CMIP: variants seen among roughly 807,000 people sequenced by gnomAD.
CMIP encodes C-Maf-inducing protein.
CMIP carries 13 observed loss-of-function variants against 97.3 expected under a neutral mutation model. The ratio of observed to expected loss-of-function variants is 0.13; its 90% confidence interval spans 0.09 to 0.21. CMIP has a LOEUF of 0.21. Ranked by LOEUF, CMIP falls within the 10% of genes least tolerant of loss-of-function variation. The pLI is 1.00. For missense variants in CMIP, 847 were observed against 1,024.9 expected (o/e 0.83, Z 2.37); for synonymous variants, 538 against 436.3 (o/e 1.23, Z -2.91).
At chr16:81,463,634 G>A (rs950786610) in intron 1 of CMIP, among the ~76,000 whole-genome samples, 1 of 152,192 alleles carries the variant, frequency 6.6e-6, no homozygotes, top group East Asian at 1.9e-4. Context: ...AATGGAACCT[G>A]CCATTTCTCA....
At chr16:81,543,969 T>C (rs1419895763) in intron 1 of CMIP, among the ~76,000 whole-genome samples, 1 of 152,244 alleles carries the variant, frequency 6.6e-6, no homozygotes, top group East Asian at 1.9e-4. Flanking sequence ...AGAACACAGC[T>C]ATTTTAAGGA....
chr16:81,657,658 CAGTT>C (rs2092499599), intron 4 of CMIP, 113 bp from the exon 5 acceptor site: 1 of 796,538 alleles, frequency 1.3e-6, no homozygotes, highest in Non-Finnish European at 2.0e-6. Flanking sequence ...ATGACAGTGA[CAGTT>C]GGTCTGTGAC....
intron 1 of CMIP, among the ~76,000 whole-genome samples, chr16:81,520,974 G>A (rs1040846977): frequency 5.3e-5 from 8 of 152,148 alleles, no homozygotes; most frequent in Non-Finnish European, 7.4e-5. Flanking sequence ...TTAAATTAGC[G>A]GTGGCATGTG....
chr16:81,535,441 C>T (rs1247021971), intron 1 of CMIP, among the ~76,000 whole-genome samples: 1 of 148,682 alleles, frequency 6.7e-6, no homozygotes, highest in Admixed American at 6.7e-5. Context: ...CCTGTCACTT[C>T]TGCTCATGGT....
At chr16:81,489,685 C>T (rs2150765239) in intron 1 of CMIP, among the ~76,000 whole-genome samples, 1 of 152,318 alleles carries the variant, frequency 6.6e-6, no homozygotes, top group Middle Eastern at 3.4e-3. Flanking sequence ...AGCCCCCCTC[C>T]CTTCTCTGTG....
intron 3 of CMIP, among the ~76,000 whole-genome samples, chr16:81,625,345 A>T (rs2092047068): frequency 6.6e-6 from 1 of 152,246 alleles, no homozygotes; most frequent in Non-Finnish European, 1.5e-5. Context: ...CCTTGAGGCT[A>T]ATTCCCAGGG....
intron 1 of CMIP, among the ~76,000 whole-genome samples, chr16:81,601,835 C>A (rs2091663490): frequency 6.6e-6 from 1 of 152,186 alleles, no homozygotes; most frequent in African/African-American, 2.4e-5. Context: ...CGAGCGGTCC[C>A]ACCAAACCTA....
chr16:81,447,016 C>T (rs1418229632), intron 1 of CMIP, among the ~76,000 whole-genome samples: 6 of 152,208 alleles, frequency 3.9e-5, no homozygotes, highest in African/African-American at 1.4e-4. Context: ...GGCCCAGTCC[C>T]CGGTCAGGCT....
chr16:81,476,149 G>A, intron 1 of CMIP: 7 of 1,067,094 alleles, frequency 6.6e-6, no homozygotes, highest in South Asian at 1.2e-5. Context: ...CCACGTGCTT[G>A]CGTTCAACCA....
intron 4 of CMIP, among the ~76,000 whole-genome samples, chr16:81,657,167 C>A (rs1352530818): frequency 1.3e-5 from 2 of 152,110 alleles, no homozygotes; most frequent in African/African-American, 4.8e-5. Context: ...GGAAACAGGA[C>A]CCCTAAAATT....
intron 1 of CMIP, chr16:81,464,813 T>G (rs1255293892): frequency 6.6e-6 from 1 of 152,228 alleles, no homozygotes; most frequent in Non-Finnish European, 1.5e-5. Context: ...ATACGGTATT[T>G]GTCCTTCTGT....
intron 10 of CMIP, among the ~76,000 whole-genome samples, chr16:81,679,610 G>A (rs1257987158): frequency 6.6e-5 from 10 of 151,898 alleles, no homozygotes; most frequent in Admixed American, 6.6e-4. Flanking sequence ...CATTGGTGTT[G>A]TGTGTGCCTG....
chr16:81,598,132 G>T (rs1343732655), intron 1 of CMIP, among the ~76,000 whole-genome samples: 2 of 152,090 alleles, frequency 1.3e-5, no homozygotes. Context: ...GAATGTGCTC[G>T]GGAAGAAGGT....
intron 1 of CMIP, among the ~76,000 whole-genome samples, chr16:81,573,824 G>A (rs187607084): frequency 6.6e-6 from 1 of 152,310 alleles, no homozygotes; most frequent in African/African-American, 2.4e-5. Flanking sequence ...TGTGCTTAAC[G>A]CATGCGTGGC....
chr16:81,680,756 G>A (rs1450656166), intron 10 of CMIP, among the ~76,000 whole-genome samples: 2 of 152,324 alleles, frequency 1.3e-5, no homozygotes, highest in African/African-American at 4.8e-5. Flanking sequence ...GGATTTTGGA[G>A]GGGGCTCCCT....
intron 1 of CMIP, among the ~76,000 whole-genome samples, chr16:81,450,910 T>G (rs940489175): frequency 1.3e-5 from 2 of 152,196 alleles, no homozygotes; most frequent in African/African-American, 4.8e-5. Context: ...GCTCATTTCT[T>G]GTGTATCTGG....
chr16:81,691,096 C>T (rs1906009082), intron 10 of CMIP, among the ~76,000 whole-genome samples: 1 of 152,190 alleles, frequency 6.6e-6, no homozygotes, highest in African/African-American at 2.4e-5. Flanking sequence ...AGGGTCCCAG[C>T]CTAAGCCCCC....
intron 1 of CMIP, among the ~76,000 whole-genome samples, chr16:81,584,172 G>C (rs1390175570): frequency 2.6e-5 from 4 of 152,166 alleles, no homozygotes; most frequent in African/African-American, 4.8e-5. Flanking sequence ...ACGGCCCCTA[G>C]CGCCCACCAG....
intron 1 of CMIP, among the ~76,000 whole-genome samples, chr16:81,581,774 C>G (rs1334873392): frequency 1.3e-5 from 2 of 152,204 alleles, no homozygotes; most frequent in African/African-American, 4.8e-5. Flanking sequence ...GCAGACAGCT[C>G]TGGGGTGGCA....
Sources: allele counts gnomAD v4.1 joint callset (sites outside exome capture counted in the v4.1 genomes callset), GRCh38; gene constraint gnomAD v4.1.1; transcripts MANE v1.5; gene names NCBI Gene and HGNC (gene_info 2026-07-23, HGNC 2026-07-21).